DIP2B: variants seen among roughly 807,000 people sequenced by gnomAD.
The protein encoded by DIP2B is disco-interacting protein 2 homolog B.
Under a neutral mutation model 198.0 loss-of-function variants are expected in DIP2B, and 76 were observed. The observed-to-expected ratio is 0.38, with a 90% CI of 0.32 to 0.46. The LOEUF (loss-of-function observed/expected upper bound fraction) is 0.46, where lower values mean the gene tolerates loss of function less well. Among genes scored for constraint, DIP2B ranks in the 20% least tolerant of loss-of-function variants. DIP2B has a pLI of 0.99. For missense variants in DIP2B, 1,559 were observed against 1,978.4 expected (o/e 0.79, Z 4.02); for synonymous variants, 701 against 739.1 (o/e 0.95, Z 0.84).
chr12:50,558,810 C>G lies in DIP2B; in HGVS notation c.100+53570C>G, dbSNP rs1380844687. Among the ~76,000 whole-genome samples the G allele has an allele frequency of 5.9e-5, 9 of 152,246 alleles. No individual in the cohort carries two copies. In the South Asian group the frequency reaches 1.7e-3, roughly 28 times the overall value. On this transcript the variant is annotated intron_variant, in intron 1 of 37. Transcript: ENST00000301180. ...GCAAGGCCGTTTACACTTTGAAAAC[C>G]CAGAAGGCTCAGGAGTGGGTGCACC...
intron 22 of DIP2B, among the ~76,000 whole-genome samples, chr12:50,709,595 G>A (rs1170520162): frequency 1.3e-5 from 2 of 150,910 alleles, no homozygotes; most frequent in African/African-American, 4.9e-5. Context: ...CCGAGATCGC[G>A]CCACTGCACT....
chr12:50,738,243 G>A (rs980266013), intron 35 of DIP2B, among the ~76,000 whole-genome samples: 1 of 151,972 alleles, frequency 6.6e-6, no homozygotes, highest in Admixed American at 6.6e-5. Flanking sequence ...AGGAGGCTGA[G>A]GCTTGAACCT....
chr12:50,639,090 A>ATTT lies in DIP2B; in HGVS notation c.173-1619_173-1617dup, dbSNP rs5798145. Reference sequence around the variant, plus strand: ...GCCAAGGTGGGAATAAGTCTCCACAATTTTTTTTTTTTTTTTTGAGACAGA... The same window carrying ATTT: ...GCCAAGGTGGGAATAAGTCTCCACAATTTTTTTTTTTTTTTTTTTTGAGACAGA... On this transcript the variant is annotated intron_variant, in intron 2 of 37. Transcript: ENST00000301180. 3.2e-3 allele frequency among the ~76,000 whole-genome samples: 451 copies of ATTT among 139,154 alleles called. 9 individuals are homozygous for ATTT. Among genetic ancestry groups the ATTT allele is most frequent in the African/African-American group, 5.3e-3 (200 of 37,450 alleles). The allele number at this position is 139,154 out of a possible 152,430, so 91.3% of individuals were successfully genotyped here.
intron 1 of DIP2B, among the ~76,000 whole-genome samples, chr12:50,622,863 C>T (rs932827409): frequency 4.6e-5 from 7 of 151,994 alleles, no homozygotes; most frequent in South Asian, 4.1e-4. Context: ...CTGCGTGCCT[C>T]GGCCTCCCAA....
intron 32 of DIP2B, among the ~76,000 whole-genome samples, chr12:50,733,192 C>T (rs1457410033): frequency 6.6e-6 from 1 of 151,950 alleles, no homozygotes; most frequent in Non-Finnish European, 1.5e-5. Flanking sequence ...AGACATGAGC[C>T]ACCGCGCCCG....
At position 50,505,013 on chromosome 12, in the gene DIP2B, C is replaced by A. The variant is rs1260441399; in HGVS notation, c.-128C>A. 1.3e-5 allele frequency: 12 copies of A among 945,416 alleles called. 2 individuals are homozygous for A. The South Asian group carries it at 1.8e-4, about 14-fold the overall frequency. The allele number at this position is 945,416 out of a possible 1,614,324, so 58.6% of individuals were successfully genotyped here. Reference sequence around the variant, plus strand: ...TGACCTTTGCTCATGGCGGCGGCGGCGGCGGCGGCGGTGCTGGTGGTGCTC... The same window carrying A: ...TGACCTTTGCTCATGGCGGCGGCGGAGGCGGCGGCGGTGCTGGTGGTGCTC... On this transcript the variant is annotated 5_prime_UTR_variant, in exon 1 of 38. Transcript: ENST00000301180.
intron 36 of DIP2B, among the ~76,000 whole-genome samples, chr12:50,740,163 A>G (rs1940216236): frequency 6.6e-6 from 1 of 152,204 alleles, no homozygotes; most frequent in African/African-American, 2.4e-5. Context: ...ATAGCCATTT[A>G]AAAATACCCA....
chr12:50,512,107 C>CTTTTT (rs35584870), intron 1 of DIP2B, among the ~76,000 whole-genome samples: 4 of 122,240 alleles, frequency 3.3e-5, no homozygotes, highest in African/African-American at 6.1e-5. Context: ...AATGTAAGCT[C>CTTTTT]TTTTTTTTTT....
At chr12:50,602,848 A>C in intron 1 of DIP2B, among the ~76,000 whole-genome samples, 1 of 98,208 alleles carries the variant, frequency 1.0e-5, no homozygotes, top group East Asian at 3.0e-4. Flanking sequence ...ACAGAGTGAG[A>C]CTCTGTCTCA....
intron 14 of DIP2B, among the ~76,000 whole-genome samples, chr12:50,694,520 C>A (rs201968799): frequency 5.9e-5 from 2 of 33,992 alleles, no homozygotes. Context: ...TACATACATA[C>A]ATACATACAT....
At chr12:50,703,228 A>T (rs567002779) in intron 19 of DIP2B, among the ~76,000 whole-genome samples, 24 of 145,580 alleles carry the variant, frequency 1.6e-4, no homozygotes, top group African/African-American at 4.3e-4. Flanking sequence ...ATCTCATTTT[A>T]AAAAAAAAAA....
chr12:50,679,523 G>A (rs1324290408), intron 8 of DIP2B: 2 of 152,206 alleles, frequency 1.3e-5, no homozygotes, highest in East Asian at 3.8e-4. Flanking sequence ...AACTTTGGAT[G>A]CCCCTCTGAA....
intron 1 of DIP2B, among the ~76,000 whole-genome samples, chr12:50,567,668 C>T (rs2139404151): frequency 6.6e-6 from 1 of 152,226 alleles, no homozygotes; most frequent in Non-Finnish European, 1.5e-5. Flanking sequence ...GCTGGGATTA[C>T]AGGCGCCCGC....
At chr12:50,552,637 A>G (rs531104997) in intron 1 of DIP2B, among the ~76,000 whole-genome samples, 3 of 152,090 alleles carry the variant, frequency 2.0e-5, no homozygotes, top group African/African-American at 7.2e-5. Flanking sequence ...GTGTCTTTGG[A>G]TGCACAAAAA....
chr12:50,672,137 G>T (rs1938866701), intron 5 of DIP2B, among the ~76,000 whole-genome samples: 1 of 151,956 alleles, frequency 6.6e-6, no homozygotes, highest in South Asian at 2.1e-4. Context: ...TTGACAATCA[G>T]TGCATTTTGG....
intron 3 of DIP2B, among the ~76,000 whole-genome samples, chr12:50,642,574 T>G (rs1938275026): frequency 6.6e-6 from 1 of 152,138 alleles, no homozygotes; most frequent in South Asian, 2.1e-4. Context: ...TCACTTGAGG[T>G]CAGGAGTTCG....
At chr12:50,731,310 T>C in intron 30 of DIP2B, 59 bp from the exon 31 acceptor site, 2 of 1,577,244 alleles carry the variant, frequency 1.3e-6, no homozygotes, top group Non-Finnish European at 1.7e-6. Flanking sequence ...GGTGGGGTTC[T>C]GAAGCATCAG....
chr12:50,706,968 T>A, intron 21 of DIP2B, among the ~76,000 whole-genome samples: 1 of 152,206 alleles, frequency 6.6e-6, no homozygotes. Context: ...TCTAAAACAT[T>A]AACTTCCTGC....
At chr12:50,579,704 T>A (rs1958705113) in intron 1 of DIP2B, among the ~76,000 whole-genome samples, 18 of 85,932 alleles carry the variant, frequency 2.1e-4, no homozygotes, top group Non-Finnish European at 3.1e-4. Context: ...TATATATATA[T>A]ATATATATAT....
Sources: gnomAD v4.1 joint callset for allele counts (sites outside exome capture counted in the v4.1 genomes callset) on GRCh38, gnomAD v4.1.1 for gene constraint, MANE v1.5 for transcripts, NCBI Gene and HGNC (gene_info 2026-07-23, HGNC 2026-07-21) for gene names.